CNTN4: variants seen among roughly 807,000 people sequenced by gnomAD.
CNTN4 encodes contactin-4.
A neutral mutation model predicts 122.5 loss-of-function variants in CNTN4; 77 were observed. That is an observed-to-expected ratio of 0.63 (90% CI 0.52 to 0.76). The LOEUF (loss-of-function observed/expected upper bound fraction) is 0.76. Among genes scored for constraint, CNTN4 ranks in the 30% least tolerant of loss-of-function variants. The pLI is 0.00. For synonymous variants in CNTN4, 512 were observed against 447.0 expected, an observed-to-expected ratio of 1.15 and a Z score of -1.83; for missense variants, 1,256 against 1,259.1, an observed-to-expected ratio of 1.00 and a Z score of 0.04.
At chr3:2,847,726 G>A (rs2093478613) in intron 7 of CNTN4, among the ~76,000 whole-genome samples, 2 of 152,084 alleles carry the variant, frequency 1.3e-5, no homozygotes, top group South Asian at 2.1e-4. Context: ...AGCTTTTATT[G>A]GGAAACACTT....
intron 12 of CNTN4, among the ~76,000 whole-genome samples, chr3:2,925,096 G>T (rs2094460798): frequency 6.6e-6 from 1 of 152,110 alleles, no homozygotes; most frequent in Non-Finnish European, 1.5e-5. Context: ...GATCTTCATG[G>T]TGGTGTATAC....
intron 11 of CNTN4, among the ~76,000 whole-genome samples, chr3:2,901,986 GC>G (rs1315163965): frequency 6.6e-6 from 1 of 152,108 alleles, no homozygotes; most frequent in Non-Finnish European, 1.5e-5. Context: ...TTAAAACTAG[GC>G]AGGTCAATTT....
intron 4 of CNTN4, among the ~76,000 whole-genome samples, chr3:2,591,705 G>GA (rs1314321563): frequency 6.6e-6 from 1 of 151,256 alleles, no homozygotes; most frequent in Non-Finnish European, 1.5e-5. Flanking sequence ...GAAACTAAGC[G>GA]AAAAAAAATA....
At chr3:2,362,409 C>A in intron 3 of CNTN4, 1 of 355,022 alleles carries the variant, frequency 2.8e-6, no homozygotes. Context: ...GGGGTGTAGC[C>A]CCAACCATCT....
At chr3:2,810,815 T>C (rs2092586537) in intron 6 of CNTN4, among the ~76,000 whole-genome samples, 1 of 152,202 alleles carries the variant, frequency 6.6e-6, no homozygotes, top group Admixed American at 6.5e-5. Flanking sequence ...TTTTTGTAAT[T>C]CCAAAGTAAT....
intron 2 of CNTN4, among the ~76,000 whole-genome samples, chr3:2,332,733 AGTGGGG>A (rs2150307978): frequency 2.3e-5 from 1 of 42,698 alleles, no homozygotes; most frequent in Admixed American, 3.4e-4. Context: ...GGGTGGGGGG[AGTGGGG>A]AGGGGGGAGG....
At chr3:2,171,927 C>T (rs778664932) in intron 2 of CNTN4, among the ~76,000 whole-genome samples, 1 of 152,148 alleles carries the variant, frequency 6.6e-6, no homozygotes, top group African/African-American at 2.4e-5. Flanking sequence ...CACCTAGGAA[C>T]TTGTTAGAAA....
At chr3:2,579,632 T>A (rs113004869) in intron 4 of CNTN4, among the ~76,000 whole-genome samples, 4,914 of 152,280 alleles carry the variant, frequency 0.032, 148 homozygotes, top group African/African-American at 0.084. Context: ...TTGCACTTAG[T>A]GCAGCATCTG....
intron 8 of CNTN4, among the ~76,000 whole-genome samples, chr3:2,876,458 A>T (rs2093846005): frequency 6.6e-6 from 1 of 152,170 alleles, no homozygotes; most frequent in Non-Finnish European, 1.5e-5. Flanking sequence ...TTCATAAAAC[A>T]ATTTTTGCCT....
intron 3 of CNTN4, among the ~76,000 whole-genome samples, chr3:2,398,299 T>A (rs2046713259): frequency 2.0e-5 from 3 of 152,160 alleles, no homozygotes; most frequent in Admixed American, 6.6e-5. Flanking sequence ...CAAAAGATGA[T>A]ATTTCTTCTT....
In CNTN4 at chr3:2,300,812, A is replaced by G. The variant is rs956189735; in HGVS notation, c.-144-38366A>G. On this transcript the variant is annotated intron_variant, in intron 2 of 24. Transcript: ENST00000418658. ...TCTCCATCAACAGACCTTGTGATCC[A>G]CCCACCTCGGCCTCCCAAAGTGCTG... Among the ~76,000 whole-genome samples the G allele has an allele frequency of 3.3e-5, 5 of 151,830 alleles. No individual in the cohort carries two copies. In the South Asian group the frequency reaches 6.2e-4, roughly 19 times the overall value.
At position 3,056,904 on chromosome 3, in the gene CNTN4, A is replaced by C. The variant is rs1701837584; in HGVS notation, c.*684A>C. 1 of 152,732 alleles carries C rather than the reference A, an allele frequency of 6.5e-6. No individual in the cohort carries two copies. Among genetic ancestry groups the C allele is most frequent in the South Asian group, 2.1e-4 (1 of 4,830 alleles). The allele number at this position is 152,732 out of a possible 1,614,324, so 9.5% of individuals were successfully genotyped here. On this transcript the variant is annotated 3_prime_UTR_variant, in exon 25 of 25. Transcript: ENST00000418658. ...GGCTGCAATCTCAAAAGCTCAATGT[A>C]CTGCCCAAGAGGCACCTTGTGCAAT...
chr3:2,553,557 C>T (rs2078600513), intron 3 of CNTN4, among the ~76,000 whole-genome samples: 5 of 152,022 alleles, frequency 3.3e-5, no homozygotes, highest in Admixed American at 3.3e-4. Flanking sequence ...AACAGTGTGT[C>T]CTAAGGGATC....
intron 15 of CNTN4, among the ~76,000 whole-genome samples, chr3:3,028,213 A>C (rs9820145): frequency 0.18 from 27,490 of 152,102 alleles, 2,526 homozygotes; most frequent in Middle Eastern, 0.27. Context: ...CCTCTGATAC[A>C]CCCCATCCCC....
chr3:2,738,162 T>A (rs1282599907), intron 5 of CNTN4, among the ~76,000 whole-genome samples: 2 of 152,156 alleles, frequency 1.3e-5, no homozygotes, highest in East Asian at 3.9e-4. Flanking sequence ...CCAATGCACT[T>A]CAAGCAGTAC....
intron 8 of CNTN4, among the ~76,000 whole-genome samples, chr3:2,867,577 C>G (rs377337567): frequency 3.3e-5 from 5 of 152,268 alleles, no homozygotes; most frequent in Non-Finnish European, 5.9e-5. Flanking sequence ...TTTCCCACCA[C>G]GGGTTTTTAT....
intron 4 of CNTN4, among the ~76,000 whole-genome samples, chr3:2,674,383 A>G (rs182433730): frequency 2.5e-3 from 387 of 152,324 alleles, no homozygotes; most frequent in Non-Finnish European, 4.2e-3. Flanking sequence ...TAGCATCTCC[A>G]TCAGCTCAAA....
At chr3:2,387,200 A>G (rs993470306) in intron 3 of CNTN4, among the ~76,000 whole-genome samples, 1 of 152,214 alleles carries the variant, frequency 6.6e-6, no homozygotes, top group African/African-American at 2.4e-5. Flanking sequence ...ATCTAAAGTT[A>G]CTTAGATGTG....
rs73109109 is a variant in CNTN4, at chr3:2,798,038, T to G, written c.359-21448T>G. Reference sequence around the variant, plus strand: ...ATAACCATCACCTAAATAATGTGCATTGTACCCATTAAGTATTTTTTTTTA... The same window carrying G: ...ATAACCATCACCTAAATAATGTGCAGTGTACCCATTAAGTATTTTTTTTTA... On this transcript the variant is annotated intron_variant, in intron 6 of 24. Transcript: ENST00000418658. Among the ~76,000 whole-genome samples, 346 of 145,602 alleles carry G rather than the reference T, an allele frequency of 2.4e-3. 1 individual carries two copies. Among genetic ancestry groups the G allele is most frequent in the African/African-American group, 8.3e-3 (333 of 39,980 alleles).
Sources: gnomAD v4.1 joint callset for allele counts (sites outside exome capture counted in the v4.1 genomes callset) on GRCh38, gnomAD v4.1.1 for gene constraint, MANE v1.5 for transcripts, NCBI Gene and HGNC (gene_info 2026-07-23, HGNC 2026-07-21) for gene names.